The following CEP170B variants were observed in gnomAD, a reference collection of about 807,000 sequenced individuals.
CEP170B encodes centrosomal protein of 170 kDa protein B.
Under a neutral mutation model 120.6 loss-of-function variants are expected in CEP170B, and 55 were observed. The ratio of observed to expected loss-of-function variants is 0.46; its 90% CI spans 0.37 to 0.57. The LOEUF (loss-of-function observed/expected upper bound fraction) is 0.57. Among genes scored for constraint, CEP170B ranks in the 20% least tolerant of loss-of-function variants. The pLI is 0.00. For synonymous variants in CEP170B, 1,033 were observed against 954.5 expected, an observed-to-expected ratio of 1.08 and a Z score of -1.52; for missense variants, 2,212 against 2,253.3, an observed-to-expected ratio of 0.98 and a Z score of 0.37.
At chr14:104,872,856 T>G (rs1448936786) in intron 2 of CEP170B, among the ~76,000 whole-genome samples, 3 of 152,212 alleles carry the variant, frequency 2.0e-5, no homozygotes, top group Admixed American at 6.5e-5. Context: ...GGGAACATCT[T>G]TATTCTGTTT....
Position 104,883,501 on chromosome 14 carries a change from C to CCTGAAGGGTGAGTGCCCAGCTGG in CEP170B, c.1046_1051+17dup. 1 of 1,540,326 alleles carries CCTGAAGGGTGAGTGCCCAGCTGG rather than the reference C, an allele frequency of 6.5e-7. No individual in the cohort carries two copies. Among genetic ancestry groups the CCTGAAGGGTGAGTGCCCAGCTGG allele is most frequent in the Middle Eastern group, 1.8e-4 (1 of 5,694 alleles). ...GCGACCTGCCTGTCCACACCCGCAC[C>CCTGAAGGGTGAGTGCCCAGCTGG]CTGAAGGGTGAGTGCCCAGCTGGCG... On this transcript the variant is annotated frameshift_variant, in exon 8 of 19. Coordinates refer to ENST00000414716, the MANE Select transcript of CEP170B (RefSeq NM_001112726.3). LOFTEE classifies it high-confidence loss of function.
At chr14:104,880,544 C>A in intron 6 of CEP170B, 119 bp downstream of exon 6, 5 of 1,424,994 alleles carry the variant, frequency 3.5e-6, no homozygotes, top group Non-Finnish European at 4.7e-6. Flanking sequence ...ACACCCATAC[C>A]CCTCACCCTT....
At chr14:104,888,529 C>T (rs1217148788) in intron 12 of CEP170B, among the ~76,000 whole-genome samples, 1 of 152,248 alleles carries the variant, frequency 6.6e-6, no homozygotes, top group African/African-American at 2.4e-5. Flanking sequence ...CCCTGCCCCC[C>T]AGATGTCCAT....
chr14:104,881,253 G>C (rs1047410284), intron 6 of CEP170B, among the ~76,000 whole-genome samples: 1 of 152,102 alleles, frequency 6.6e-6, no homozygotes, highest in South Asian at 2.1e-4. Flanking sequence ...GGGAAGGAGC[G>C]AGAGTGAGAA....
chr14:104,874,113 T>C (rs1895709007), intron 2 of CEP170B, among the ~76,000 whole-genome samples: 2 of 152,062 alleles, frequency 1.3e-5, no homozygotes, highest in African/African-American at 4.8e-5. Flanking sequence ...CCAGCAGCCA[T>C]CCTAGAGTTG....
chr14:104,885,703 G>C (rs538066245), intron 10 of CEP170B, among the ~76,000 whole-genome samples, 161 bp downstream of exon 10: 1 of 152,166 alleles, frequency 6.6e-6, no homozygotes, highest in Non-Finnish European at 1.5e-5. Context: ...AGGAGGGATC[G>C]GGGCCAGGTG....
chr14:104,869,107 T>A (rs2140617340), intron 2 of CEP170B, among the ~76,000 whole-genome samples: 1 of 152,264 alleles, frequency 6.6e-6, no homozygotes, highest in Middle Eastern at 3.4e-3. Context: ...CAATCGGAAG[T>A]TTCTCTGGCC....
chr14:104,893,215 A>G (rs1457940020), intron 14 of CEP170B, 80 bp downstream of exon 14: 3 of 1,452,344 alleles, frequency 2.1e-6, no homozygotes, highest in Non-Finnish European at 2.8e-6. Context: ...AGCCCTTTGC[A>G]TGCCTCGGCT....
In CEP170B at chr14:104,887,636, G is replaced by A; in HGVS notation, c.3397G>A (p.Asp1133Asn). 1 of 1,560,140 alleles carries A rather than the reference G, an allele frequency of 6.4e-7. No homozygotes were observed. The highest frequency in any genetic ancestry group is 8.7e-7 in the Non-Finnish European group (1 of 1,154,874). The change falls in exon 12 of 19, where the codon GAC becomes AAC. Residue 1133 changes from aspartate to asparagine, a missense_variant. Transcript: ENST00000414716. ...ASRLRRARLG[D>N]ASDTEAADGE... is the part of the protein sequence containing the mutation. ...CCGGCTGAGGCGGGCCCGGCTGGGG[G>A]ACGCTTCAGACACTGAGGCTGCGGA...
intron 5 of CEP170B, 76 bp from the exon 6 acceptor site, chr14:104,880,211 G>C (rs1325974243): frequency 6.5e-7 from 1 of 1,532,716 alleles, no homozygotes; most frequent in Non-Finnish European, 8.8e-7. Context: ...TGGATGGAGA[G>C]GAGAGGCTGG....
chr14:104,893,719 G>A (rs578126826), intron 15 of CEP170B, 42 bp from the exon 16 acceptor site: 17 of 1,587,330 alleles, frequency 1.1e-5, no homozygotes, highest in African/African-American at 2.7e-5. Context: ...CAGGGGCGGG[G>A]CTCCTCGAGG....
intron 3 of CEP170B, among the ~76,000 whole-genome samples, chr14:104,877,459 C>T (rs1217269940): frequency 6.6e-6 from 1 of 152,184 alleles, no homozygotes; most frequent in Non-Finnish European, 1.5e-5. Flanking sequence ...GGTATCAGAC[C>T]CTCTGAGGCC....
Position 104,886,305 on chromosome 14 carries a change from C to G in CEP170B, c.2066C>G (p.Pro689Arg). 1 of 1,534,984 alleles carries G rather than the reference C, an allele frequency of 6.5e-7. No individual in the cohort carries two copies. Among genetic ancestry groups the G allele is most frequent in the Non-Finnish European group, 8.7e-7 (1 of 1,145,274 alleles). ...EDGLGRRGGEPEGSLPVRMRR... is the reference protein window; with the variant it reads ...EDGLGRRGGEREGSLPVRMRR... ...GGCCTGGGACGTAGAGGCGGGGAGC[C>G]GGAGGGGTCCCTGCCTGTGCGCATG... Residue 689 changes from proline (P) to arginine (R), a missense_variant, in exon 12 of 19, where the codon CCG (proline) becomes CGG (arginine). Physicochemically the swap from Pro to Arg is moderately radical, Grantham distance 103 (BLOSUM62 -2). Transcript: ENST00000414716.
chr14:104,884,093 A>T lies in CEP170B; in HGVS notation c.1314A>T (p.Pro438=), dbSNP rs573383969. 5.0e-6 allele frequency: 8 copies of T among 1,589,618 alleles called. No individual in the cohort carries two copies. In the African/African-American group the frequency reaches 6.7e-5, roughly 13 times the overall value. ...GDPKADKRRG[P]TPADRDRPSV... ...CCAAGGCCGACAAGCGCCGTGGCCC[A>T]ACGCCGGCCGATAGGGACCGCCCCA... is the stretch of plus-strand genomic sequence containing the variant. Residue 438 remains proline, a synonymous_variant, in exon 9 of 19, where the codon CCA becomes CCT. Coordinates refer to ENST00000414716, the MANE Select transcript of CEP170B (RefSeq NM_001112726.3).
Position 104,880,267 on chromosome 14 carries a change from C to A in CEP170B, c.334-20C>A. ...CCTGAGGCTGGGCCCAGTACCTCACCCCGCCTGGCCTGCCCACAGCATGAA... is the reference window on the plus strand; with the variant it reads ...CCTGAGGCTGGGCCCAGTACCTCACACCGCCTGGCCTGCCCACAGCATGAA... On this transcript the variant is annotated intron_variant, in intron 5 of 18. Coordinates refer to ENST00000414716, the MANE Select transcript of CEP170B (RefSeq NM_001112726.3). 1 of 1,574,602 alleles carries A rather than the reference C, an allele frequency of 6.4e-7. No homozygotes were observed. The highest frequency in any genetic ancestry group is 8.6e-7 in the Non-Finnish European group (1 of 1,161,292).
intron 13 of CEP170B, 36 bp downstream of exon 13, chr14:104,889,794 C>A: frequency 6.3e-7 from 1 of 1,579,036 alleles, no homozygotes; most frequent in South Asian, 1.1e-5. Context: ...CACTGGGTGC[C>A]AGTGCGTTTT....
chr14:104,876,105 T>G (rs1038949945), intron 2 of CEP170B, 151 bp from the exon 3 acceptor site: 8 of 713,388 alleles, frequency 1.1e-5, no homozygotes, highest in African/African-American at 1.0e-4. Flanking sequence ...AATCCTGCTC[T>G]GGAGACAGGG....
In CEP170B at chr14:104,896,694, T is replaced by C; in HGVS notation, c.*1736T>C. ...GCTGTCTTTCGGAAAATGGTTATTT[T>C]ATATGATTTGTCATGGAATTTGTTC... On this transcript the variant is annotated 3_prime_UTR_variant, in exon 19 of 19. Coordinates refer to ENST00000414716, the MANE Select transcript of CEP170B (RefSeq NM_001112726.3). 2.2e-6 allele frequency: 1 copy of C among 456,046 alleles called. No individual in the cohort carries two copies. Among genetic ancestry groups the C allele is most frequent in the Non-Finnish European group, 4.4e-6 (1 of 226,838 alleles). 28.2% of individuals were successfully genotyped at this position (456,046 alleles called of 1,614,324 possible).
At chr14:104,893,239 A>G (rs1896935855) in intron 14 of CEP170B, 104 bp downstream of exon 14, 2 of 1,317,634 alleles carry the variant, frequency 1.5e-6, no homozygotes, top group South Asian at 1.5e-5. Context: ...GCCCTGCTGC[A>G]CATCCCCACT....
Sources: allele counts gnomAD v4.1 joint callset (sites outside exome capture counted in the v4.1 genomes callset), GRCh38; gene constraint gnomAD v4.1.1; transcripts MANE v1.5; gene names NCBI Gene and HGNC (gene_info 2026-07-23, HGNC 2026-07-21).